The following ISL1 variants were observed in gnomAD, a reference collection of about 807,000 sequenced individuals.
The protein encoded by ISL1 is ISL LIM homeobox 1.
In ISL1, 4 loss-of-function variants were observed where a neutral mutation model predicts 35.3. The ratio of observed to expected loss-of-function variants is 0.11; its 90% CI spans 0.06 to 0.26. The LOEUF (loss-of-function observed/expected upper bound fraction) is 0.26, where lower values mean the gene tolerates loss of function less well. Ranked by LOEUF, ISL1 falls within the 10% of genes least tolerant of loss-of-function variation. The pLI is 1.00. For synonymous variants in ISL1, 186 were observed against 172.3 expected (o/e 1.08, Z -0.62); for missense variants, 340 against 472.8 (o/e 0.72, Z 2.60).
At chr5:51,386,406 G>A in intron 2 of ISL1, 1 of 359,270 alleles carries the variant, frequency 2.8e-6, no homozygotes, top group Non-Finnish European at 5.4e-6. Context: ...GTGTGTGTGT[G>A]TGTGTGTAAT....
Position 51,384,747 on chromosome 5 carries a change from T to A in ISL1, c.218+17T>A. The A allele has an allele frequency of 6.2e-7, 1 of 1,602,720 alleles. No homozygotes were observed. The highest frequency in any genetic ancestry group is 8.6e-7 in the Non-Finnish European group (1 of 1,169,558). On this transcript the variant is annotated intron_variant, in intron 2 of 5. Transcript: ENST00000230658. ...TTATATCAGGTATGGCATTTACACTTCTTTCTTAATTTTGTGGGATTTCCC... is the reference window on the plus strand; with the variant it reads ...TTATATCAGGTATGGCATTTACACTACTTTCTTAATTTTGTGGGATTTCCC...
chr5:51,383,561 C>A lies in ISL1; in HGVS notation c.-111C>A, dbSNP rs1747263982. On this transcript the variant is annotated 5_prime_UTR_variant, in exon 1 of 6. Coordinates refer to ENST00000230658, the MANE Select transcript of ISL1 (RefSeq NM_002202.3). ...GCAGCGGCTCTTTCAGCATTGGCAA[C>A]CCCAGGGGCCAATATTTCCCACTTA... 1.1e-6 allele frequency: 1 copy of A among 951,838 alleles called. No homozygotes were observed. Among genetic ancestry groups the A allele is most frequent in the Non-Finnish European group, 1.7e-6 (1 of 576,640 alleles). 59.0% of individuals were successfully genotyped at this position (951,838 alleles called of 1,614,324 possible).
In ISL1 at chr5:51,393,796, A is replaced by T; in HGVS notation, c.*186A>T. 1 of 631,214 alleles carries T rather than the reference A, an allele frequency of 1.6e-6. No homozygotes were observed. The highest frequency in any genetic ancestry group is 1.8e-5 in the South Asian group (1 of 54,080). 39.1% of individuals were successfully genotyped at this position (631,214 alleles called of 1,614,324 possible). A position where few individuals can be genotyped will look rare whatever the true frequency, so the allele number is the denominator to read the frequency against. On this transcript the variant is annotated 3_prime_UTR_variant, in exon 6 of 6. Coordinates refer to ENST00000230658, the MANE Select transcript of ISL1 (RefSeq NM_002202.3). ...TGGTAGCAACACTGTGAAGACAATC[A>T]TGGGATTTTACTAGAATTAAACAAC...
At position 51,391,367 on chromosome 5, in the gene ISL1, T is replaced by A; in HGVS notation, c.859T>A (p.Tyr287Asn). 6.2e-7 allele frequency: 1 copy of A among 1,614,144 alleles called. No homozygotes were observed. The highest frequency in any genetic ancestry group is 8.5e-7 in the Non-Finnish European group (1 of 1,180,026). ...GGCTAACCCAGTGGAAGTACAAAGT[T>A]ACCAGCCACCTTGGAAAGTACTGAG... Reference protein sequence around the residue: ...LQANPVEVQSYQPPWKVLSDF... With the variant: ...LQANPVEVQSNQPPWKVLSDF... Residue 287 changes from tyrosine to asparagine, a missense_variant, in exon 5 of 6, where the codon TAC becomes AAC. This residue lies in a region of ISL1 where 104 missense variants were observed against 97.3 expected (regional missense o/e 1.07). Coordinates refer to ENST00000230658, the MANE Select transcript of ISL1 (RefSeq NM_002202.3).
At position 51,387,557 on chromosome 5, in the gene ISL1, C is replaced by G. The variant is rs1282754379; in HGVS notation, c.286C>G (p.Arg96Gly). Residue 96 changes from arginine to glycine, a missense_variant, in exon 3 of 6, where the codon CGC becomes GGC. Arg to Gly is a moderately radical substitution (Grantham distance 125). Around this residue, in one of 7 missense-constraint regions of ISL1, gnomAD observed 70 missense variants for 130.3 expected, o/e 0.54. Transcript: ENST00000230658. The surrounding 1 kb of genome is among the most constrained non-coding windows in gnomAD (Gnocchi z 4.3). ...FSKNDFVMRA[R>G]SKVYHIECFR... ...CAAGAACGACTTCGTGATGCGTGCCCGCTCCAAGGTGTATCACATCGAGTG... is the reference window on the plus strand; with the variant it reads ...CAAGAACGACTTCGTGATGCGTGCCGGCTCCAAGGTGTATCACATCGAGTG... 1 of 1,614,116 alleles carries G rather than the reference C, an allele frequency of 6.2e-7. No homozygotes were observed. Among genetic ancestry groups the G allele is most frequent in the Non-Finnish European group, 8.5e-7 (1 of 1,180,056 alleles).
chr5:51,393,848 C>A lies in ISL1; in HGVS notation c.*238C>A. ...AACAAAACGCAAAACCCAGTATATG[C>A]TATTCAATGATCTTAGAAGTACTGA... On this transcript the variant is annotated 3_prime_UTR_variant, in exon 6 of 6. Transcript: ENST00000230658. The A allele has an allele frequency of 1.8e-6, 1 of 562,968 alleles. No homozygotes were observed. Among genetic ancestry groups the A allele is most frequent in the Non-Finnish European group, 3.2e-6 (1 of 315,026 alleles). 34.9% of individuals were successfully genotyped at this position (562,968 alleles called of 1,614,324 possible).
Position 51,383,600 on chromosome 5 carries a change from C to T in ISL1, c.-72C>T, listed in dbSNP as rs1487794208. ...ATTTCCCACTTAGCCACAGCTCCAG[C>T]ATCCTCTCTGTGGGCTGTTCACCAA... On this transcript the variant is annotated 5_prime_UTR_variant, in exon 1 of 6. Transcript: ENST00000230658. The T allele has an allele frequency of 8.0e-7, 1 of 1,255,336 alleles. No homozygotes were observed. The highest frequency in any genetic ancestry group is 1.2e-6 in the Non-Finnish European group (1 of 852,238). 77.8% of individuals were successfully genotyped at this position (1,255,336 alleles called of 1,614,324 possible).
Position 51,393,651 on chromosome 5 carries a change from T to A in ISL1, c.*41T>A. ...TATTTTTTTTCCCTGTTGGAGAAAGTGGGAAATTATAATGTCGAACTCTGA... is the reference window on the plus strand; with the variant it reads ...TATTTTTTTTCCCTGTTGGAGAAAGAGGGAAATTATAATGTCGAACTCTGA... On this transcript the variant is annotated 3_prime_UTR_variant, in exon 6 of 6. Coordinates refer to ENST00000230658, the MANE Select transcript of ISL1 (RefSeq NM_002202.3). The A allele has an allele frequency of 7.9e-7, 1 of 1,271,592 alleles. No homozygotes were observed. Among genetic ancestry groups the A allele is most frequent in the Non-Finnish European group, 1.2e-6 (1 of 867,138 alleles). 78.8% of individuals were successfully genotyped at this position (1,271,592 alleles called of 1,614,324 possible).
chr5:51,391,685 CCTT>C (rs1430038601), intron 5 of ISL1, among the ~76,000 whole-genome samples: 1 of 151,772 alleles, frequency 6.6e-6, no homozygotes, highest in Non-Finnish European at 1.5e-5. Flanking sequence ...ATCAATCAGG[CCTT>C]CTTTGAAGGA....
At position 51,387,589 on chromosome 5, in the gene ISL1, C is replaced by T; in HGVS notation, c.318C>T (p.Arg106=). Residue 106 remains arginine (R), a synonymous_variant, in exon 3 of 6, where the codon CGC becomes CGT. Coordinates refer to ENST00000230658, the MANE Select transcript of ISL1 (RefSeq NM_002202.3). The surrounding 1 kb of genome is among the most constrained non-coding windows in gnomAD (Gnocchi z 4.3). ...AGGTGTATCACATCGAGTGTTTCCG[C>T]TGTGTGGCCTGCAGCCGCCAGCTCA... ...RSKVYHIECF[R]CVACSRQLIP... 1 of 1,614,248 alleles carries T rather than the reference C, an allele frequency of 6.2e-7. No individual in the cohort carries two copies. The highest frequency in any genetic ancestry group is 8.5e-7 in the Non-Finnish European group (1 of 1,180,048).
intron 5 of ISL1, among the ~76,000 whole-genome samples, chr5:51,391,862 G>T (rs1747524010): frequency 1.3e-5 from 2 of 151,916 alleles, no homozygotes; most frequent in Non-Finnish European, 2.9e-5. Flanking sequence ...CTAGAGAATG[G>T]GATATATAGG....
rs761187431 is a variant in ISL1 at position 51,389,869 on chromosome 5, C to T, written c.702C>T (p.Cys234=). ...VIRVWFQNKR[C]KDKKRSIMMK... The stretch of plus-strand genomic sequence containing the variant: ...GGGTCTGGTTTCAAAACAAGCGGTG[C>T]AAGGACAAGAAGCGAAGCATCATGA... The change falls in exon 4 of 6, where the codon TGC becomes TGT. Residue 234 remains cysteine (C), a synonymous_variant. Coordinates refer to ENST00000230658, the MANE Select transcript of ISL1 (RefSeq NM_002202.3). The surrounding 1 kb of genome is among the most constrained non-coding windows in gnomAD (Gnocchi z 5.0). The T allele has an allele frequency of 6.2e-7, 1 of 1,614,188 alleles. No individual in the cohort carries two copies. Among genetic ancestry groups the T allele is most frequent in the East Asian group, 2.2e-5 (1 of 44,862 alleles).
Position 51,383,527 on chromosome 5 carries a change from C to A in ISL1, c.-145C>A. 2.6e-6 allele frequency: 2 copies of A among 769,496 alleles called. No individual in the cohort carries two copies. The highest frequency in any genetic ancestry group is 4.7e-6 in the Non-Finnish European group (2 of 427,384). The allele number at this position is 769,496 out of a possible 1,614,324, so 47.7% of individuals were successfully genotyped here. A position where few individuals can be genotyped will look rare whatever the true frequency, so the allele number is the denominator to read the frequency against. On this transcript the variant is annotated 5_prime_UTR_variant, in exon 1 of 6. Transcript: ENST00000230658. ...GACTCCTAGATCCGCGAGGGCGCGGCGCAGCCGAGCAGCGGCTCTTTCAGC... is the reference window on the plus strand; with the variant it reads ...GACTCCTAGATCCGCGAGGGCGCGGAGCAGCCGAGCAGCGGCTCTTTCAGC...
In ISL1 at chr5:51,393,635, TC is replaced by T; in HGVS notation, c.*28del. 10 of 1,430,574 alleles carry T rather than the reference TC, an allele frequency of 7.0e-6. No homozygotes were observed. Among genetic ancestry groups the T allele is most frequent in the Non-Finnish European group, 9.9e-6 (10 of 1,012,340 alleles). The allele number at this position is 1,430,574 out of a possible 1,614,324, so 88.6% of individuals were successfully genotyped here. On this transcript the variant is annotated 3_prime_UTR_variant, in exon 6 of 6. Coordinates refer to ENST00000230658, the MANE Select transcript of ISL1 (RefSeq NM_002202.3). ...AGGAACATTCATTCTGTATTTTTTT[TC>T]CCTGTTGGAGAAAGTGGGAAATTAT...
chr5:51,393,354 G>GTTAA (rs1747561362), intron 5 of ISL1, 140 bp from the exon 6 acceptor site: 1 of 692,564 alleles, frequency 1.4e-6, no homozygotes. Flanking sequence ...CTCTAAGCCT[G>GTTAA]TTAAAATTCA....
chr5:51,386,610 A>G (rs1340847455), intron 2 of ISL1: 3 of 456,194 alleles, frequency 6.6e-6, no homozygotes, highest in East Asian at 7.0e-5. Context: ...GATGGAACCT[A>G]TAAAGATTGT....
In ISL1 at chr5:51,389,598, G is replaced by A. The variant is rs555492328; in HGVS notation, c.479-48G>A. ...GCGAGCGCGCGACCGCGGGCGGGCC[G>A]GCAAGCGAGCCTCCAGCCCAGCGCT... On this transcript the variant is annotated intron_variant, in intron 3 of 5. Transcript: ENST00000230658. The surrounding 1 kb of genome is among the most constrained non-coding windows in gnomAD (Gnocchi z 5.0). 6.5e-5 allele frequency: 95 copies of A among 1,460,046 alleles called. No individual in the cohort carries two copies. The South Asian group carries it at 1.1e-3, about 17-fold the overall frequency. 90.4% of individuals were successfully genotyped at this position (1,460,046 alleles called of 1,614,324 possible).
intron 2 of ISL1, chr5:51,386,733 A>T: frequency 4.8e-6 from 2 of 418,656 alleles, no homozygotes; most frequent in South Asian, 3.5e-5. Flanking sequence ...TGATTCAGCA[A>T]CTTGAAAAAG....
intron 2 of ISL1, among the ~76,000 whole-genome samples, chr5:51,385,824 A>G (rs535211741): frequency 6.6e-6 from 1 of 152,310 alleles, no homozygotes; most frequent in African/African-American, 2.4e-5. Context: ...AGCTTTTGTT[A>G]GGCAAATGGT....
Sources: allele counts gnomAD v4.1 joint callset (sites outside exome capture counted in the v4.1 genomes callset), GRCh38; gene constraint gnomAD v4.1.1; regional missense constraint gnomAD v4.1.1; non-coding constraint Gnocchi (gnomAD v3.1); transcripts MANE v1.5; gene names NCBI Gene and HGNC (gene_info 2026-07-23, HGNC 2026-07-21).